Variants in NPC1 observed in about 807,000 individuals in gnomAD.
NPC1 encodes the protein Niemann-Pick C1 protein.
NPC1 carries 85 observed loss-of-function variants against 140.4 expected under a neutral mutation model. That is an observed-to-expected ratio of 0.61 (90% confidence interval 0.51 to 0.72). The LOEUF is 0.72. Ranked by LOEUF, NPC1 falls within the 30% of genes least tolerant of loss-of-function variation. The pLI is 0.00. For synonymous variants in NPC1, 656 were observed against 624.8 expected, an observed-to-expected ratio of 1.05 and a Z score of -0.74; for missense variants, 1,504 against 1,623.8, an observed-to-expected ratio of 0.93 and a Z score of 1.27.
chr18:23,551,731 C>T lies in NPC1; in HGVS notation c.1554-4G>A. 1 of 1,612,174 alleles carries T rather than the reference C, an allele frequency of 6.2e-7. No individual in the cohort carries two copies. Among genetic ancestry groups the T allele is most frequent in the Non-Finnish European group, 8.5e-7 (1 of 1,178,312 alleles). On this transcript the variant is annotated splice_region_variant and splice_polypyrimidine_tract_variant and intron_variant, in intron 9 of 24. Transcript: ENST00000269228. ...ATCATTCAGAGAGGCAGGAGCCCTGCCAAAAAGTTTAGAAAACACCTCCCA... is the reference window on the plus strand; with the variant it reads ...ATCATTCAGAGAGGCAGGAGCCCTGTCAAAAAGTTTAGAAAACACCTCCCA...
At chr18:23,532,594 T>TC (rs1282430181) in intron 24 of NPC1, among the ~76,000 whole-genome samples, 2 of 152,006 alleles carry the variant, frequency 1.3e-5, no homozygotes, top group Non-Finnish European at 2.9e-5. Flanking sequence ...GCACACCACT[T>TC]CACCTGGCTA....
At chr18:23,585,463 C>T (rs927150118) in intron 1 of NPC1, among the ~76,000 whole-genome samples, 3 of 152,164 alleles carry the variant, frequency 2.0e-5, no homozygotes, top group Non-Finnish European at 4.4e-5. Context: ...TTCCTATTGA[C>T]GCCACACCTA....
chr18:23,570,503 G>A (rs1056162309), intron 3 of NPC1, among the ~76,000 whole-genome samples: 1 of 152,202 alleles, frequency 6.6e-6, no homozygotes, highest in Non-Finnish European at 1.5e-5. Context: ...ACAATTTAGT[G>A]GTGGTTTTCC....
At chr18:23,519,822 A>G (rs530722054), downstream of NPC1, among the ~76,000 whole-genome samples, 1 of 152,254 alleles carries the variant, frequency 6.6e-6, no homozygotes, top group African/African-American at 2.4e-5. Context: ...CAGGACAACT[A>G]GAATGGGTCC....
At chr18:23,529,251 C>T, downstream of NPC1, 1 of 1,614,002 alleles carries the variant, frequency 6.2e-7, no homozygotes, top group Non-Finnish European at 8.5e-7. Context: ...GGTGCTGGAC[C>T]AGTCAGATGT....
chr18:23,561,500 TC>T lies in NPC1; in HGVS notation c.490del (p.Glu164ArgfsTer57). The T allele has an allele frequency of 6.2e-7, 1 of 1,614,004 alleles. No individual in the cohort carries two copies. Among genetic ancestry groups the T allele is most frequent in the South Asian group, 1.1e-5 (1 of 91,078 alleles). ...NAMYNACRDV[E>X]APSSNDKALG... ...GGCCTTGTCATTACTTGAGGGGGCC[TC>T]CACATCCCGGCAGGCATTGTACATT... On this transcript the variant is annotated frameshift_variant, in exon 5 of 25. Coordinates refer to ENST00000269228, the MANE Select transcript of NPC1 (RefSeq NM_000271.5). LOFTEE classifies it high-confidence loss of function.
chr18:23,528,179 A>G (rs910237647), downstream of NPC1: 1 of 300,302 alleles, frequency 3.3e-6, no homozygotes, highest in Admixed American at 4.7e-5. Flanking sequence ...TCCTTGGTCT[A>G]CTGTTATAGA....
rs1044713324 is a variant in NPC1 at position 23,562,849 on chromosome 18, T to C, written c.464-1322A>G. On this transcript the variant is annotated intron_variant, in intron 4 of 24. Transcript: ENST00000269228. ...AAAAAATAAAAAAATAAAAAAAAAT[T>C]AGCCAGGTGTGGTGGCGCTATATAA... is the stretch of plus-strand genomic sequence containing the variant. 1.9e-4 allele frequency among the ~76,000 whole-genome samples: 29 copies of C among 152,066 alleles called. 1 individual carries two copies. The highest frequency in any genetic ancestry group is 1.8e-3 in the Admixed American group (28 of 15,256).
At chr18:23,556,791 C>A in intron 7 of NPC1, 178 bp from the exon 8 acceptor site, 1 of 960,048 alleles carries the variant, frequency 1.0e-6, no homozygotes, top group Non-Finnish European at 1.6e-6. Flanking sequence ...TTGTTGGCTG[C>A]CCTCAATGAG....
At chr18:23,550,475 A>AT (rs1491268509) in intron 10 of NPC1, among the ~76,000 whole-genome samples, 2 of 53,498 alleles carry the variant, frequency 3.7e-5, no homozygotes, top group East Asian at 9.9e-4. Flanking sequence ...CAGTTCTTAC[A>AT]TTTCTTTTTT....
chr18:23,518,887 T>G (rs2058075521), downstream of NPC1: 2 of 1,613,832 alleles, frequency 1.2e-6, no homozygotes, highest in Non-Finnish European at 1.7e-6. Flanking sequence ...GTTCCCTAAT[T>G]AGATACGGGC....
At position 23,561,352 on chromosome 18, in the gene NPC1, A is replaced by G; in HGVS notation, c.631+8T>C. 1 of 1,614,088 alleles carries G rather than the reference A, an allele frequency of 6.2e-7. No homozygotes were observed. Among genetic ancestry groups the G allele is most frequent in the Non-Finnish European group, 8.5e-7 (1 of 1,179,952 alleles). On this transcript the variant is annotated splice_region_variant and intron_variant, in intron 5 of 24. Coordinates refer to ENST00000269228, the MANE Select transcript of NPC1 (RefSeq NM_000271.5). Reference sequence around the variant, plus strand: ...TAAACACACCAAACTTGGAATCTTTATACCTACCTGAAAACACAGGAGTGA... The same window carrying G: ...TAAACACACCAAACTTGGAATCTTTGTACCTACCTGAAAACACAGGAGTGA...
downstream of NPC1, chr18:23,530,135 A>G: frequency 2.5e-6 from 4 of 1,613,928 alleles, no homozygotes; most frequent in Non-Finnish European, 3.4e-6. Context: ...AACCTTTGGT[A>G]TGCATTGCCA....
intron 4 of NPC1, among the ~76,000 whole-genome samples, chr18:23,566,795 ATAGAG>A (rs1168039023): frequency 1.3e-5 from 2 of 152,248 alleles, no homozygotes; most frequent in African/African-American, 4.8e-5. Context: ...ATAGTATCAT[ATAGAG>A]TATTTTCACC....
downstream of NPC1, among the ~76,000 whole-genome samples, chr18:23,526,142 T>C (rs1294732585): frequency 3.7e-4 from 57 of 152,148 alleles, no homozygotes; most frequent in Non-Finnish European, 8.8e-5. Flanking sequence ...ATGCTGGCAG[T>C]GTGGGTGATC....
intron 1 of NPC1, among the ~76,000 whole-genome samples, chr18:23,583,548 TCA>T (rs2145593210): frequency 6.6e-6 from 1 of 152,104 alleles, no homozygotes; most frequent in East Asian, 1.9e-4. Context: ...CTGATGCCCT[TCA>T]CAGAGCTGGA....
chr18:23,512,097 G>A (rs1412345423), intron 3 of NPC1, among the ~76,000 whole-genome samples: 2 of 145,904 alleles, frequency 1.4e-5, no homozygotes, highest in African/African-American at 5.1e-5. Flanking sequence ...CTCGGCTCAC[G>A]GCAACCTCCA....
At chr18:23,557,219 T>C (rs765626028) in intron 6 of NPC1, 29 bp from the exon 7 acceptor site, 1 of 1,546,010 alleles carries the variant, frequency 6.5e-7, no homozygotes, top group Non-Finnish European at 8.9e-7. Context: ...GAAATAGCAT[T>C]AGTGGACTTC....
chr18:23,557,160 G>A lies in NPC1; in HGVS notation c.912C>T (p.Pro304=), dbSNP rs140894981. 2.0e-5 allele frequency: 32 copies of A among 1,613,634 alleles called. No homozygotes were observed. The African/African-American group carries it at 2.5e-4, about 13-fold the overall frequency. ...CAGAAAAAGCTATATTGCTATCGAT[G>A]GGAGTGTACTCGGAGACAAAATACC... ...RKRYFVSEYT[P]IDSNIAFSVN... Residue 304 remains proline, a synonymous_variant, in exon 7 of 25, where the codon CCC becomes CCT. Transcript: ENST00000269228.
Sources: gnomAD v4.1 joint callset for allele counts (sites outside exome capture counted in the v4.1 genomes callset) on GRCh38, gnomAD v4.1.1 for gene constraint, MANE v1.5 for transcripts, NCBI Gene and HGNC (gene_info 2026-07-23, HGNC 2026-07-21) for gene names.